CHL1: variants seen among roughly 807,000 people sequenced by gnomAD.
The protein encoded by CHL1 is neural cell adhesion molecule L1-like protein.
CHL1 carries 96 observed loss-of-function variants against 141.9 expected under a neutral mutation model. That is an observed-to-expected ratio of 0.68 (90% CI 0.57 to 0.80). The LOEUF is 0.80. Among genes scored for constraint, CHL1 ranks in the 30% least tolerant of loss-of-function variants. The pLI, the probability that CHL1 is intolerant of heterozygous loss-of-function variation, is 0.00. For missense variants in CHL1, 1,820 were observed against 1,457.2 expected, an observed-to-expected ratio of 1.25 and a Z score of -4.05; for synonymous variants, 613 against 502.2, an observed-to-expected ratio of 1.22 and a Z score of -2.95.
At chr3:205,910 A>G (rs993645732) in intron 1 of CHL1, among the ~76,000 whole-genome samples, 3 of 152,212 alleles carry the variant, frequency 2.0e-5, no homozygotes, top group Non-Finnish European at 2.9e-5. Context: ...TCCTTGTCCA[A>G]TGTCACACAA....
chr3:400,855 G>A (rs899485276), intron 26 of CHL1, among the ~76,000 whole-genome samples: 1 of 147,806 alleles, frequency 6.8e-6, no homozygotes, highest in Non-Finnish European at 1.5e-5. Flanking sequence ...TCAGATTGTT[G>A]CAACAATTTT....
intron 1 of CHL1, among the ~76,000 whole-genome samples, chr3:238,140 C>G (rs1216868915): frequency 1.3e-5 from 2 of 152,142 alleles, no homozygotes; most frequent in African/African-American, 4.8e-5. Flanking sequence ...GTATCATTTT[C>G]CTTTTTAAAA....
intron 10 of CHL1, among the ~76,000 whole-genome samples, chr3:351,428 A>G (rs753741750): frequency 3.9e-5 from 6 of 152,194 alleles, no homozygotes; most frequent in Admixed American, 2.0e-4. Flanking sequence ...TGAAAAACAA[A>G]TTGAGCTTAA....
chr3:200,896 T>C (rs185710861), intron 1 of CHL1, among the ~76,000 whole-genome samples: 1 of 152,342 alleles, frequency 6.6e-6, no homozygotes, highest in Non-Finnish European at 1.5e-5. Context: ...GGAGGCTGCT[T>C]AACACCTTAA....
intron 15 of CHL1, chr3:376,318 A>G: frequency 4.2e-6 from 2 of 481,828 alleles, no homozygotes; most frequent in Admixed American, 2.2e-5. Flanking sequence ...GACATGTGAC[A>G]GAATTATCCA....
At chr3:232,578 A>G (rs969087379) in intron 1 of CHL1, among the ~76,000 whole-genome samples, 5 of 152,124 alleles carry the variant, frequency 3.3e-5, no homozygotes, top group African/African-American at 1.2e-4. Context: ...TCACAGTTTT[A>G]CAAGTTAGAT....
chr3:315,033 T>C (rs1450352775), intron 2 of CHL1, among the ~76,000 whole-genome samples: 1 of 152,190 alleles, frequency 6.6e-6, no homozygotes, highest in Non-Finnish European at 1.5e-5. Flanking sequence ...TAAGTTGTTA[T>C]GATTTTGTAA....
chr3:276,705 G>C (rs162730), intron 2 of CHL1, among the ~76,000 whole-genome samples: 149,705 of 151,828 alleles, frequency 0.99, 73,816 homozygotes, highest in East Asian at 1. Context: ...CTGGCTAACA[G>C]GGTGAAATCC....
intron 15 of CHL1, among the ~76,000 whole-genome samples, chr3:374,371 G>A (rs769830166): frequency 2.0e-5 from 3 of 152,132 alleles, no homozygotes; most frequent in Non-Finnish European, 4.4e-5. Flanking sequence ...CAACTGCTCA[G>A]ATATGCCTAA....
At position 242,392 on chromosome 3, in the gene CHL1, C is replaced by T. The variant is rs376052917; in HGVS notation, c.-174-2221C>T. ...GGGGCAGATCACGAGGTCAGGAGAT[C>T]GAGACCATCCTGGCTAACACGGTGA... On this transcript the variant is annotated intron_variant, in intron 1 of 27. Coordinates refer to ENST00000256509, the MANE Select transcript of CHL1 (RefSeq NM_006614.4). Among the ~76,000 whole-genome samples, 390 of 141,084 alleles carry T rather than the reference C, an allele frequency of 2.8e-3. 6 individuals are homozygous for T. The highest frequency in any genetic ancestry group is 0.023 in the East Asian group (104 of 4,564). 92.6% of individuals were successfully genotyped at this position (141,084 alleles called of 152,430 possible).
intron 3 of CHL1, among the ~76,000 whole-genome samples, chr3:321,039 C>T (rs1359712799): frequency 1.3e-5 from 2 of 151,964 alleles, no homozygotes; most frequent in African/African-American, 4.8e-5. Context: ...TTAACTAAAA[C>T]GTTGCTTTTG....
Position 408,885 on chromosome 3 carries a change from T to C in CHL1, c.*3174T>C, listed in dbSNP as rs944769251. 10 of 152,112 alleles carry C rather than the reference T, an allele frequency of 6.6e-5. No homozygotes were observed. Among genetic ancestry groups the C allele is most frequent in the African/African-American group, 2.4e-4 (10 of 41,436 alleles). The allele number at this position is 152,112 out of a possible 1,614,324, so 9.4% of individuals were successfully genotyped here. A position where few individuals can be genotyped will look rare whatever the true frequency, so the allele number is the denominator to read the frequency against. The stretch of plus-strand genomic sequence containing the variant: ...AGATGCACCCGTGTTTGTAAAAATG[T>C]AGAGCACAATGGAATTATGCTGGAA... On this transcript the variant is annotated 3_prime_UTR_variant, in exon 28 of 28. Transcript: ENST00000256509.
intron 2 of CHL1, among the ~76,000 whole-genome samples, chr3:284,075 G>A (rs1696902991): frequency 6.6e-6 from 1 of 152,162 alleles, no homozygotes; most frequent in South Asian, 2.1e-4. Context: ...GCCAGGTAGA[G>A]GGGATACATT....
chr3:286,115 A>G (rs1697114940), intron 2 of CHL1, among the ~76,000 whole-genome samples: 2 of 152,176 alleles, frequency 1.3e-5, no homozygotes, highest in Non-Finnish European at 1.5e-5. Flanking sequence ...GATAGGCTCC[A>G]TAGCCTCCTG....
At chr3:336,600 G>A (rs1333919302) in intron 5 of CHL1, among the ~76,000 whole-genome samples, 1 of 149,292 alleles carries the variant, frequency 6.7e-6, no homozygotes, top group Non-Finnish European at 1.5e-5. Flanking sequence ...AACAAAATGA[G>A]ATACAGAAAA....
At chr3:352,035 T>A (rs1473197848) in intron 10 of CHL1, among the ~76,000 whole-genome samples, 1 of 152,188 alleles carries the variant, frequency 6.6e-6, no homozygotes, top group African/African-American at 2.4e-5. Context: ...TGTTGTCAAC[T>A]TTTGAATTAT....
At chr3:383,553 T>C (rs1415937058) in intron 18 of CHL1, among the ~76,000 whole-genome samples, 3 of 152,144 alleles carry the variant, frequency 2.0e-5, no homozygotes, top group Non-Finnish European at 4.4e-5. Flanking sequence ...TAAAAGCAGA[T>C]TCAAAATTAA....
intron 19 of CHL1, 62 bp from the exon 20 acceptor site, chr3:389,190 A>G (rs1708025702): frequency 1.5e-6 from 2 of 1,341,728 alleles, no homozygotes; most frequent in African/African-American, 1.5e-5. Context: ...AGGGTGGTTC[A>G]CCATCATCTC....
intron 1 of CHL1, among the ~76,000 whole-genome samples, chr3:219,095 G>A (rs919550435): frequency 3.3e-5 from 5 of 151,952 alleles, no homozygotes; most frequent in Admixed American, 6.5e-5. Context: ...CTTGCAGTGA[G>A]CCGAGATCAT....
Sources: gnomAD v4.1 joint callset for allele counts (sites outside exome capture counted in the v4.1 genomes callset) on GRCh38, gnomAD v4.1.1 for gene constraint, MANE v1.5 for transcripts, NCBI Gene and HGNC (gene_info 2026-07-23, HGNC 2026-07-21) for gene names.